Variants in DNAH14 observed in about 807,000 individuals in gnomAD.
The protein encoded by DNAH14 is axonemal beta dynein heavy chain 14.
In DNAH14, 478 loss-of-function variants were observed where a neutral mutation model predicts 520.9. The ratio of observed to expected loss-of-function variants is 0.92; its 90% CI spans 0.85 to 0.99. The LOEUF (loss-of-function observed/expected upper bound fraction) is 0.99. Among genes scored for constraint, DNAH14 ranks in the 50% least tolerant of loss-of-function variants. DNAH14 has a pLI of 0.00. For synonymous variants in DNAH14, 1,581 were observed against 1,757.2 expected (o/e 0.90, Z 2.51); for missense variants, 4,831 against 5,234.5 (o/e 0.92, Z 2.38).
At chr1:225,240,506 CT>C in intron 42 of DNAH14, 86 bp from the exon 43 acceptor site, 1 of 804,662 alleles carries the variant, frequency 1.2e-6, no homozygotes, top group Non-Finnish European at 1.9e-6. Context: ...AATAATGAAA[CT>C]TTAACATTAT....
chr1:225,227,986 TA>T (rs2090710044), intron 41 of DNAH14, among the ~76,000 whole-genome samples: 1 of 152,114 alleles, frequency 6.6e-6, no homozygotes, highest in Admixed American at 6.5e-5. Flanking sequence ...TATATCTAGT[TA>T]AAATATTACT....
chr1:224,961,003 C>G (rs984356744), intron 4 of DNAH14: 7 of 152,296 alleles, frequency 4.6e-5, no homozygotes, highest in African/African-American at 1.7e-4. Context: ...TGGAAAGGAC[C>G]TGTGACTGCT....
chr1:224,959,284 C>T (rs2060701683), intron 3 of DNAH14, among the ~76,000 whole-genome samples: 1 of 152,092 alleles, frequency 6.6e-6, no homozygotes, highest in Non-Finnish European at 1.5e-5. Flanking sequence ...CCCTCCTCCT[C>T]ATTACCCCAC....
intron 18 of DNAH14, 86 bp from the exon 19 acceptor site, chr1:225,080,293 A>G (rs2072966739): frequency 7.6e-7 from 1 of 1,310,976 alleles, no homozygotes; most frequent in Admixed American, 2.9e-5. Context: ...AGCCTAGATT[A>G]TATACTAAAA....
At chr1:224,997,034 C>A (rs183179645) in intron 8 of DNAH14, among the ~76,000 whole-genome samples, 211 of 152,198 alleles carry the variant, frequency 1.4e-3, no homozygotes, top group Non-Finnish European at 2.6e-3. Context: ...AATGTCCCAC[C>A]ACTTCTGGGA....
intron 19 of DNAH14, 122 bp from the exon 20 acceptor site, chr1:225,082,427 T>C (rs2148591839): frequency 1.4e-6 from 1 of 716,330 alleles, no homozygotes; most frequent in East Asian, 2.9e-5. Flanking sequence ...TTTAATGTAG[T>C]TTAATAATTG....
chr1:225,361,882 A>AATC (rs2095496337), intron 75 of DNAH14, among the ~76,000 whole-genome samples: 1 of 130,452 alleles, frequency 7.7e-6, no homozygotes, highest in South Asian at 2.5e-4. Flanking sequence ...ATCAATCAAT[A>AATC]CTATTATATA....
chr1:225,371,655 G>A (rs180966334), intron 77 of DNAH14, among the ~76,000 whole-genome samples: 89 of 152,028 alleles, frequency 5.9e-4, no homozygotes, highest in African/African-American at 2.0e-3. Flanking sequence ...ATAATTGTAC[G>A]TCTAGAAAAC....
At chr1:225,100,672 C>G in intron 22 of DNAH14, 41 bp from the exon 23 acceptor site, 3 of 1,412,288 alleles carry the variant, frequency 2.1e-6, no homozygotes, top group Non-Finnish European at 2.8e-6. Flanking sequence ...AATCATAGTG[C>G]CTTAAAAAAA....
intron 79 of DNAH14, among the ~76,000 whole-genome samples, chr1:225,377,964 T>C (rs539072484): frequency 6.6e-6 from 1 of 152,232 alleles, no homozygotes; most frequent in East Asian, 1.9e-4. Context: ...ATAAATATGG[T>C]GAATCTTAAA....
intron 62 of DNAH14, among the ~76,000 whole-genome samples, 175 bp from the exon 63 acceptor site, chr1:225,324,047 C>T (rs1232113100): frequency 1.3e-5 from 2 of 152,096 alleles, no homozygotes; most frequent in Non-Finnish European, 2.9e-5. Context: ...AACTCCTGAC[C>T]TCTGGTGACC....
chr1:224,953,381 C>T (rs2406096), intron 2 of DNAH14, among the ~76,000 whole-genome samples: 50,742 of 151,790 alleles, frequency 0.33, 10,108 homozygotes, highest in East Asian at 0.54. Flanking sequence ...GCCTCGGCCT[C>T]CCAAATAAAT....
Position 225,275,904 on chromosome 1 carries a change from C to A in DNAH14, c.8011-10C>A. The A allele has an allele frequency of 9.2e-6, 3 of 326,100 alleles. No individual in the cohort carries two copies. Among genetic ancestry groups the A allele is most frequent in the Non-Finnish European group, 1.9e-5 (3 of 161,734 alleles). The allele number at this position is 326,100 out of a possible 1,614,324, so 20.2% of individuals were successfully genotyped here. On this transcript the variant is annotated splice_polypyrimidine_tract_variant and intron_variant, in intron 52 of 85. Transcript: ENST00000682510. ...TTAATGGATAGTGTTAAATTCTTAT[C>A]TTACAATAGATTCAGTGGACCCAAG...
chr1:225,061,657 A>G (rs1269528404), intron 17 of DNAH14, among the ~76,000 whole-genome samples: 1 of 151,866 alleles, frequency 6.6e-6, no homozygotes, highest in African/African-American at 2.4e-5. Flanking sequence ...CTTGGATCCT[A>G]GATTATTGTT....
chr1:224,973,439 A>G (rs1420395629), intron 7 of DNAH14, among the ~76,000 whole-genome samples: 2 of 152,202 alleles, frequency 1.3e-5, no homozygotes, highest in Non-Finnish European at 2.9e-5. Flanking sequence ...AGTGATTGTG[A>G]TATTGCATTA....
At position 225,324,331 on chromosome 1, in the gene DNAH14, A is replaced by C; in HGVS notation, c.9605A>C (p.Asn3202Thr). 2 of 1,551,926 alleles carry C rather than the reference A, an allele frequency of 1.3e-6. No homozygotes were observed. The highest frequency in any genetic ancestry group is 1.7e-6 in the Non-Finnish European group (2 of 1,147,022). ...CTGTGCCAGTGGGTTATAGCTTTGAATAACTACCATGAAGTACAGAAGGTA... is the reference window on the plus strand; with the variant it reads ...CTGTGCCAGTGGGTTATAGCTTTGACTAACTACCATGAAGTACAGAAGGTA... ...CSLCQWVIAL[N>T]NYHEVQKVVG... The change falls in exon 63 of 86, where the codon AAT (asparagine) becomes ACT (threonine). Residue 3202 changes from asparagine (N) to threonine (T), a missense_variant. By Grantham distance (65) the Asn-to-Thr change is moderately conservative. Transcript: ENST00000682510.
intron 35 of DNAH14, among the ~76,000 whole-genome samples, 175 bp from the exon 36 acceptor site, chr1:225,167,764 G>A (rs1426660705): frequency 6.6e-6 from 1 of 152,180 alleles, no homozygotes; most frequent in Non-Finnish European, 1.5e-5. Flanking sequence ...TTTTTCTGCA[G>A]ACAGTAGTAA....
chr1:224,973,037 T>C (rs906994100), intron 7 of DNAH14, among the ~76,000 whole-genome samples: 6 of 152,206 alleles, frequency 3.9e-5, no homozygotes, highest in African/African-American at 1.4e-4. Flanking sequence ...GGTTCTGAGA[T>C]ACCATGACTC....
intron 8 of DNAH14, among the ~76,000 whole-genome samples, chr1:224,981,673 T>G (rs907186041): frequency 6.6e-6 from 1 of 152,186 alleles, no homozygotes; most frequent in Non-Finnish European, 1.5e-5. Flanking sequence ...TGGATTTTCT[T>G]TCTTCTTTTC....
Sources: allele counts gnomAD v4.1 joint callset (sites outside exome capture counted in the v4.1 genomes callset), GRCh38; gene constraint gnomAD v4.1.1; transcripts MANE v1.5; gene names NCBI Gene and HGNC (gene_info 2026-07-23, HGNC 2026-07-21).